The following TARS2 variants were observed in gnomAD, a reference collection of about 807,000 sequenced individuals.
The protein encoded by TARS2 is threonine--tRNA ligase, mitochondrial.
A neutral mutation model predicts 94.4 loss-of-function variants in TARS2; 61 were observed. The ratio of observed to expected loss-of-function variants is 0.65; its 90% CI spans 0.53 to 0.80. The LOEUF (loss-of-function observed/expected upper bound fraction) is 0.80. Among genes scored for constraint, TARS2 ranks in the 30% least tolerant of loss-of-function variants. The pLI, the probability that TARS2 is intolerant of heterozygous loss-of-function variation, is 0.00. For synonymous variants in TARS2, 359 were observed against 353.4 expected, an observed-to-expected ratio of 1.02 and a Z score of -0.18; for missense variants, 704 against 902.5, an observed-to-expected ratio of 0.78 and a Z score of 2.82.
chr1:150,498,819 C>T, intron 11 of TARS2, 78 bp from the exon 12 acceptor site: 1 of 1,609,880 alleles, frequency 6.2e-7, no homozygotes, highest in Non-Finnish European at 8.5e-7. Context: ...TGTTTTTGCC[C>T]TTTGTTTTCC....
intron 4 of TARS2, among the ~76,000 whole-genome samples, chr1:150,491,087 C>T (rs1560244923): frequency 6.6e-6 from 1 of 151,984 alleles, no homozygotes; most frequent in Non-Finnish European, 1.5e-5. Flanking sequence ...GAAGAAACAA[C>T]TTACTTTGTT....
At chr1:150,503,902 C>CAAAAA (rs1285986585) in intron 13 of TARS2, among the ~76,000 whole-genome samples, 1 of 63,780 alleles carries the variant, frequency 1.6e-5, no homozygotes, top group Admixed American at 1.7e-4. Flanking sequence ...GACTCTGTCT[C>CAAAAA]AAAAAAAAAA....
intron 17 of TARS2, among the ~76,000 whole-genome samples, chr1:150,506,560 A>T: frequency 9.6e-6 from 1 of 104,134 alleles, no homozygotes; most frequent in African/African-American, 4.2e-5. Context: ...TCTCTGCTTG[A>T]CTCTAATGTC....
Position 150,497,512 on chromosome 1 carries a change from C to A in TARS2, c.1021-18C>A. On this transcript the variant is annotated intron_variant, in intron 9 of 17. Transcript: ENST00000369064. ...TTCCAGTTACTCTGACCTTCCATGT[C>A]TGTACCCTCCTCTCCAGGCTGAGTA... 1.9e-6 allele frequency: 3 copies of A among 1,612,142 alleles called. No homozygotes were observed. Among genetic ancestry groups the A allele is most frequent in the South Asian group, 1.1e-5 (1 of 90,984 alleles).
chr1:150,490,755 T>C (rs1669346920), intron 4 of TARS2, 30 bp downstream of exon 4: 2 of 1,612,124 alleles, frequency 1.2e-6, no homozygotes, highest in African/African-American at 2.7e-5. Context: ...AGGAGAATGA[T>C]TCTGGGATGG....
At chr1:150,503,789 G>A (rs779570632) in intron 13 of TARS2, among the ~76,000 whole-genome samples, 40 of 151,110 alleles carry the variant, frequency 2.6e-4, no homozygotes, top group Middle Eastern at 3.4e-3. Context: ...TGTAGTCCCA[G>A]CTACTCAGGA....
intron 1 of TARS2, 57 bp downstream of exon 1, chr1:150,487,573 C>T: frequency 6.2e-7 from 1 of 1,609,948 alleles, no homozygotes; most frequent in South Asian, 1.1e-5. Context: ...AGCCGAAGCC[C>T]CCAAATTTTT....
chr1:150,494,018 A>C (rs1333055171), intron 7 of TARS2, among the ~76,000 whole-genome samples: 3 of 152,056 alleles, frequency 2.0e-5, no homozygotes, highest in Admixed American at 1.3e-4. Flanking sequence ...CCCCATCTAT[A>C]AAATGAGGCT....
chr1:150,505,458 T>G, intron 16 of TARS2, 133 bp from the exon 17 acceptor site: 2 of 792,262 alleles, frequency 2.5e-6, no homozygotes, highest in Non-Finnish European at 4.3e-6. Flanking sequence ...GAGAGGTTGC[T>G]GGTAAGAAGT....
At chr1:150,490,273 C>T (rs1669324447) in intron 3 of TARS2, among the ~76,000 whole-genome samples, 1 of 151,840 alleles carries the variant, frequency 6.6e-6, no homozygotes, top group Non-Finnish European at 1.5e-5. Flanking sequence ...CACACGCCAC[C>T]ATGCCTGGCT....
intron 6 of TARS2, 39 bp downstream of exon 6, chr1:150,491,701 G>C: frequency 1.2e-6 from 2 of 1,603,180 alleles, no homozygotes; most frequent in Non-Finnish European, 1.7e-6. Context: ...GAGAGGTGGG[G>C]AAGCATTGAA....
At position 150,488,027 on chromosome 1, in the gene TARS2, C is replaced by T. The variant is rs903612468; in HGVS notation, c.236C>T (p.Thr79Ile). 1.1e-5 allele frequency: 17 copies of T among 1,613,862 alleles called. No homozygotes were observed. In the African/African-American group the frequency reaches 1.7e-4, roughly 16 times the overall value. The stretch of plus-strand genomic sequence containing the variant: ...ATTGATGCTGTGGCATGGAACACAA[C>T]CCCCTACCAACTAGCCCGGCAGATC... ...QKIDAVAWNT[T>I]PYQLARQISS... Residue 79 changes from threonine to isoleucine, a missense_variant, in exon 2 of 18, where the codon ACC becomes ATC. Around this residue, in one of 3 missense-constraint regions of TARS2, gnomAD observed 208 missense variants for 228.5 expected, o/e 0.91. Coordinates refer to ENST00000369064, the MANE Select transcript of TARS2 (RefSeq NM_025150.5).
chr1:150,498,393 G>A (rs1360463087), intron 10 of TARS2, 109 bp from the exon 11 acceptor site: 2 of 1,351,798 alleles, frequency 1.5e-6, no homozygotes, highest in Non-Finnish European at 2.0e-6. Context: ...AGGCTGGAGA[G>A]GGTTATAGCA....
At chr1:150,496,374 C>T (rs1669662864) in intron 7 of TARS2, 108 bp from the exon 8 acceptor site, 11 of 1,348,088 alleles carry the variant, frequency 8.2e-6, no homozygotes, top group Non-Finnish European at 9.1e-6. Flanking sequence ...GGATTGTTGT[C>T]AAGAGGCATA....
rs115388015 is a variant in TARS2, at chr1:150,497,706, A to C, written c.1197A>C (p.Thr399=). The change falls in exon 10 of 18, where the codon ACA becomes ACC. Residue 399 remains threonine, a synonymous_variant. Coordinates refer to ENST00000369064, the MANE Select transcript of TARS2 (RefSeq NM_025150.5). The part of the protein sequence containing the change: ...SQSDDSTRHI[T]DTLALKPMNC... ...GTGACGATTCTACCAGGCATATCACAGATACACTCGCCCTCAAGCCTATGA... is the reference window on the plus strand; with the variant it reads ...GTGACGATTCTACCAGGCATATCACCGATACACTCGCCCTCAAGCCTATGA... The C allele has an allele frequency of 6.2e-7, 1 of 1,614,142 alleles. No homozygotes were observed. Among genetic ancestry groups the C allele is most frequent in the South Asian group, 1.1e-5 (1 of 91,088 alleles).
intron 13 of TARS2, among the ~76,000 whole-genome samples, chr1:150,499,986 C>G (rs1241765240): frequency 6.8e-6 from 1 of 147,380 alleles, no homozygotes; most frequent in Non-Finnish European, 1.5e-5. Flanking sequence ...ATCTGGGCAA[C>G]ACAGGGAGAC....
chr1:150,496,527 CAG>C lies in TARS2; in HGVS notation c.825_826del (p.Arg275SerfsTer41), dbSNP rs2102490176. On this transcript the variant is annotated frameshift_variant, in exon 8 of 18. Transcript: ENST00000369064. LOFTEE classifies it high-confidence loss of function. ...WRSSGAPETL[Q>X]RVSGISFPTT... ...GTCTTCAGGGGCCCCAGAGACACTG[CAG>C]AGAGTGTCAGGGATTTCCTTCCCCA... The C allele has an allele frequency of 6.2e-7, 1 of 1,614,066 alleles. No homozygotes were observed. The highest frequency in any genetic ancestry group is 2.2e-5 in the East Asian group (1 of 44,864).
rs759554618 is a variant in TARS2, at chr1:150,488,055, G to T, written c.263+1G>T. The T allele has an allele frequency of 3.1e-6, 5 of 1,613,584 alleles. No homozygotes were observed. ...CCTACCAACTAGCCCGGCAGATCAG[G>T]TAACAGGCCCATCCTGTAACTACCA... is the stretch of plus-strand genomic sequence containing the variant. On this transcript the variant is annotated splice_donor_variant, in intron 2 of 17. Coordinates refer to ENST00000369064, the MANE Select transcript of TARS2 (RefSeq NM_025150.5). LOFTEE classifies it high-confidence loss of function.
At position 150,489,103 on chromosome 1, in the gene TARS2, A is replaced by G. The variant is rs1669270862; in HGVS notation, c.387+16A>G. 7 of 1,613,988 alleles carry G rather than the reference A, an allele frequency of 4.3e-6. No homozygotes were observed. The East Asian group carries it at 6.7e-5, about 15-fold the overall frequency. On this transcript the variant is annotated intron_variant, in intron 3 of 17. Transcript: ENST00000369064. ...GGGGAAAGCAGTAAGTTTCTTTCTTATCAGGAATACAGTGACTACTAAACC... is the reference window on the plus strand; with the variant it reads ...GGGGAAAGCAGTAAGTTTCTTTCTTGTCAGGAATACAGTGACTACTAAACC...
Sources: gnomAD v4.1 joint callset for allele counts (sites outside exome capture counted in the v4.1 genomes callset) on GRCh38, gnomAD v4.1.1 for gene constraint, gnomAD v4.1.1 regional missense constraint, MANE v1.5 for transcripts, NCBI Gene and HGNC (gene_info 2026-07-23, HGNC 2026-07-21) for gene names.